ISM1: variants seen among roughly 807,000 people sequenced by gnomAD.
ISM1 encodes the protein isthmin-1.
Under a neutral mutation model 46.3 loss-of-function variants are expected in ISM1, and 25 were observed. The ratio of observed to expected loss-of-function variants is 0.54; its 90% confidence interval spans 0.39 to 0.75. The LOEUF is 0.75. ISM1 is among the 30% of genes least tolerant of loss of function. The pLI is 0.00. For missense variants in ISM1, 536 were observed against 625.4 expected (o/e 0.86, Z 1.52); for synonymous variants, 255 against 256.7 (o/e 0.99, Z 0.06).
chr20:13,292,785 G>A (rs548544838), intron 5 of ISM1, among the ~76,000 whole-genome samples: 2 of 152,260 alleles, frequency 1.3e-5, no homozygotes, highest in African/African-American at 4.8e-5. Flanking sequence ...TTCTTACTCA[G>A]CCTTCATTGA....
At chr20:13,267,593 G>A (rs2040057448) in intron 1 of ISM1, among the ~76,000 whole-genome samples, 1 of 152,146 alleles carries the variant, frequency 6.6e-6, no homozygotes, top group African/African-American at 2.4e-5. Flanking sequence ...GGTTTGCTTG[G>A]TCTGGGGCTA....
intron 1 of ISM1, among the ~76,000 whole-genome samples, chr20:13,257,032 A>G (rs180688130): frequency 7.9e-5 from 12 of 152,338 alleles, no homozygotes; most frequent in Admixed American, 6.5e-4. Context: ...ATGAGAGAAG[A>G]GAATAATAAA....
At chr20:13,305,369 T>G (rs1191627811), downstream of ISM1, among the ~76,000 whole-genome samples, 2 of 152,210 alleles carry the variant, frequency 1.3e-5, no homozygotes, top group Non-Finnish European at 2.9e-5. Flanking sequence ...GGAGTGGGAC[T>G]GCTCAAATCA....
At chr20:13,282,307 T>C (rs1051765736) in intron 3 of ISM1, among the ~76,000 whole-genome samples, 1 of 152,168 alleles carries the variant, frequency 6.6e-6, no homozygotes, top group African/African-American at 2.4e-5. Context: ...AATGAGAAGG[T>C]CTAGAAGTGA....
chr20:13,270,648 T>C lies in ISM1; in HGVS notation c.283T>C (p.Leu95=). ...CCGACAAGAGACGGGGCACCCTTCATTGCAAAGAGATTTCCCCAGATCCTT... is the reference window on the plus strand; with the variant it reads ...CCGACAAGAGACGGGGCACCCTTCACTGCAAAGAGATTTCCCCAGATCCTT... ...RFRQETGHPS[L]QRDFPRSFLL... Residue 95 remains leucine, a synonymous_variant, in exon 2 of 6, where the codon TTG becomes CTG. Coordinates refer to ENST00000262487, the MANE Select transcript of ISM1 (RefSeq NM_080826.2). 1 of 1,613,996 alleles carries C rather than the reference T, an allele frequency of 6.2e-7. No individual in the cohort carries two copies. Among genetic ancestry groups the C allele is most frequent in the Non-Finnish European group, 8.5e-7 (1 of 1,179,878 alleles).
At chr20:13,292,305 T>A in intron 4 of ISM1, 69 bp from the exon 5 acceptor site, 3 of 936,290 alleles carry the variant, frequency 3.2e-6, no homozygotes. Context: ...TTTATTTTTT[T>A]ATTGTTGGGG....
At chr20:13,263,424 G>A (rs1240693240) in intron 1 of ISM1, among the ~76,000 whole-genome samples, 4 of 151,450 alleles carry the variant, frequency 2.6e-5, no homozygotes, top group African/African-American at 4.9e-5. Context: ...CTAGAAAGCC[G>A]ATTTTATGGT....
chr20:13,305,853 G>C, the ISM1 span, among the ~76,000 whole-genome samples: 1 of 152,174 alleles, frequency 6.6e-6, no homozygotes, highest in Non-Finnish European at 1.5e-5. Context: ...TTTAATTTCT[G>C]TGTAGAGATT....
chr20:13,256,395 C>CAA (rs559300861), intron 1 of ISM1, among the ~76,000 whole-genome samples: 347 of 69,732 alleles, frequency 5.0e-3, no homozygotes, highest in Non-Finnish European at 6.0e-3. Flanking sequence ...GACCCCGTCT[C>CAA]AAAAAAAAAA....
chr20:13,239,868 T>A (rs749697821), intron 1 of ISM1, among the ~76,000 whole-genome samples: 7 of 152,228 alleles, frequency 4.6e-5, no homozygotes, highest in Non-Finnish European at 8.8e-5. Context: ...AAGCAAGTCA[T>A]CTTTCATGAA....
At position 13,299,534 on chromosome 20, in the gene ISM1, CG is replaced by C. The variant is rs2040440139; in HGVS notation, c.*76del. On this transcript the variant is annotated 3_prime_UTR_variant, in exon 6 of 6. Transcript: ENST00000262487. This position sits in a 1 kb window ranked among gnomAD's most constrained non-coding sequence, Gnocchi z 5.8. The stretch of plus-strand genomic sequence containing the variant: ...CGTGCTGCACTGACGTGCCGACTGG[CG>C]CCGAGACCTTCATAGCTGCGGTCGT... 9 of 1,339,496 alleles carry C rather than the reference CG, an allele frequency of 6.7e-6. No homozygotes were observed. Among genetic ancestry groups the C allele is most frequent in the Non-Finnish European group, 9.2e-6 (9 of 977,010 alleles). 83.0% of individuals were successfully genotyped at this position (1,339,496 alleles called of 1,614,324 possible).
chr20:13,225,155 T>C (rs981684561), intron 1 of ISM1, among the ~76,000 whole-genome samples: 7 of 152,008 alleles, frequency 4.6e-5, no homozygotes, highest in African/African-American at 1.7e-4. Context: ...GCCCGGCCCA[T>C]ACTAGCTTTC....
At chr20:13,255,411 G>A (rs2039915948) in intron 1 of ISM1, among the ~76,000 whole-genome samples, 1 of 151,956 alleles carries the variant, frequency 6.6e-6, no homozygotes, top group Non-Finnish European at 1.5e-5. Context: ...GCCAGAAACT[G>A]GACAAAAATA....
intron 1 of ISM1, among the ~76,000 whole-genome samples, chr20:13,255,761 T>G (rs144063949): frequency 1.3e-5 from 2 of 152,268 alleles, no homozygotes; most frequent in East Asian, 3.9e-4. Context: ...CAGACATCTT[T>G]GCACCATGCA....
intron 1 of ISM1, among the ~76,000 whole-genome samples, chr20:13,254,012 G>A (rs963448604): frequency 2.0e-5 from 3 of 147,646 alleles, no homozygotes; most frequent in African/African-American, 7.5e-5. Context: ...GAGGTCAGGA[G>A]TTCAAGACCA....
At chr20:13,270,156 T>C (rs1459712107) in intron 1 of ISM1, among the ~76,000 whole-genome samples, 1 of 152,238 alleles carries the variant, frequency 6.6e-6, no homozygotes, top group Non-Finnish European at 1.5e-5. Context: ...GGTTAATCAG[T>C]TGAAGCTGTG....
intron 1 of ISM1, among the ~76,000 whole-genome samples, chr20:13,226,924 G>C (rs771283637): frequency 1.3e-5 from 2 of 152,120 alleles, no homozygotes. Context: ...AAGAGCATGC[G>C]TACAGGGAGG....
chr20:13,310,708 A>G, the ISM1 span, among the ~76,000 whole-genome samples: 523 of 152,352 alleles, frequency 3.4e-3, 1 homozygote, highest in African/African-American at 0.012. Flanking sequence ...TAAAAAACTC[A>G]AACAACTTAA....
chr20:13,222,067 C>T (rs898518688), intron 1 of ISM1, among the ~76,000 whole-genome samples, 153 bp downstream of exon 1: 2 of 152,212 alleles, frequency 1.3e-5, no homozygotes, highest in African/African-American at 4.8e-5. Flanking sequence ...GGCCACTTGA[C>T]TTAGGCAGAG....
Sources: allele counts gnomAD v4.1 joint callset (sites outside exome capture counted in the v4.1 genomes callset), GRCh38; gene constraint gnomAD v4.1.1; non-coding constraint Gnocchi (gnomAD v3.1); transcripts MANE v1.5; gene names NCBI Gene and HGNC (gene_info 2026-07-23, HGNC 2026-07-21).